The following SESTD1 variants were observed in gnomAD, a reference collection of about 807,000 sequenced individuals.
SESTD1 encodes the protein SEC14 and spectrin domain containing 1, also known as SEC14 domain and spectrin repeat-containing protein 1.
A neutral mutation model predicts 101.7 loss-of-function variants in SESTD1; 43 were observed. The ratio of observed to expected loss-of-function variants is 0.42; its 90% CI spans 0.33 to 0.55. The LOEUF is 0.55. Among genes scored for constraint, SESTD1 ranks in the 20% least tolerant of loss-of-function variants. The pLI, the probability that SESTD1 is intolerant of heterozygous loss-of-function variation, is 0.07. For synonymous variants in SESTD1, 283 were observed against 286.8 expected, an observed-to-expected ratio of 0.99 and a Z score of 0.13; for missense variants, 647 against 815.1, an observed-to-expected ratio of 0.79 and a Z score of 2.51.
In SESTD1 at chr2:179,215,467, A is replaced by G. The variant is rs1319731545; in HGVS notation, c.-25-23601T>C. 1.5e-5 allele frequency among the ~76,000 whole-genome samples: 2 copies of G among 134,210 alleles called. 1 individual carries two copies. Among genetic ancestry groups the G allele is most frequent in the Non-Finnish European group, 3.2e-5 (2 of 62,608 alleles). 88.0% of individuals were successfully genotyped at this position (134,210 alleles called of 152,430 possible). On this transcript the variant is annotated intron_variant, in intron 1 of 17. Transcript: ENST00000428443. The stretch of plus-strand genomic sequence containing the variant: ...AGAAGTTGAATCTCTGAATAGACCA[A>G]TAACAGGCTCTGAAATTGAGGCAAT...
At chr2:179,252,536 C>T (rs1315804031) in intron 1 of SESTD1, among the ~76,000 whole-genome samples, 1 of 152,190 alleles carries the variant, frequency 6.6e-6, no homozygotes, top group Non-Finnish European at 1.5e-5. Flanking sequence ...CAGGAGTCCA[C>T]CATCTTCCAC....
Position 179,183,147 on chromosome 2 carries a change from A to G in SESTD1, c.97T>C (p.Leu33=). ...TCCATATTTGTCTGTTCGAGGCATA[A>G]TGGAATTGTCAAAATGAGGCCACTC... ...RRSGLILTIP[L]CLEQTNMDEL... Residue 33 remains leucine (L), a synonymous_variant, in exon 3 of 18, where the codon TTA becomes CTA. Transcript: ENST00000428443. The G allele has an allele frequency of 1.2e-6, 2 of 1,612,172 alleles. No individual in the cohort carries two copies. The highest frequency in any genetic ancestry group is 1.1e-5 in the South Asian group (1 of 90,906).
At chr2:179,183,754 G>C (rs1011769137) in intron 2 of SESTD1, among the ~76,000 whole-genome samples, 3 of 151,732 alleles carry the variant, frequency 2.0e-5, no homozygotes, top group African/African-American at 7.3e-5. Flanking sequence ...GAGGGCGAGA[G>C]TATCACTTGA....
At chr2:179,162,868 G>A (rs955528842) in intron 5 of SESTD1, among the ~76,000 whole-genome samples, 2 of 150,924 alleles carry the variant, frequency 1.3e-5, no homozygotes, top group African/African-American at 4.9e-5. Context: ...GTGCATGCCT[G>A]TAATCTCAGC....
At chr2:179,221,701 T>C (rs2046817894) in intron 1 of SESTD1, among the ~76,000 whole-genome samples, 1 of 150,796 alleles carries the variant, frequency 6.6e-6, no homozygotes, top group Admixed American at 6.6e-5. Flanking sequence ...GAGGACTGTA[T>C]GAGCCTACGA....
intron 5 of SESTD1, 56 bp from the exon 6 acceptor site, chr2:179,151,447 A>T: frequency 7.8e-7 from 1 of 1,278,992 alleles, no homozygotes; most frequent in Non-Finnish European, 1.1e-6. Flanking sequence ...AAAATCCACG[A>T]AAGTAACCAG....
At chr2:179,110,589 A>G (rs1181775839) in intron 17 of SESTD1, among the ~76,000 whole-genome samples, 3 of 152,146 alleles carry the variant, frequency 2.0e-5, no homozygotes, top group East Asian at 1.9e-4. Flanking sequence ...AGAAAAGTGG[A>G]GCCTAGCAAG....
chr2:179,199,627 C>A (rs1309429293), intron 1 of SESTD1, among the ~76,000 whole-genome samples: 1 of 151,988 alleles, frequency 6.6e-6, no homozygotes, highest in Non-Finnish European at 1.5e-5. Context: ...GGGCTTCATC[C>A]CTGGGATGCA....
chr2:179,142,969 G>C (rs922849098), intron 9 of SESTD1, among the ~76,000 whole-genome samples: 1 of 152,094 alleles, frequency 6.6e-6, no homozygotes, highest in Non-Finnish European at 1.5e-5. Context: ...AAACTAGGAC[G>C]TTTCCAGTTT....
In SESTD1 at chr2:179,216,535, T is replaced by C. The variant is rs1309383000; in HGVS notation, c.-25-24669A>G. On this transcript the variant is annotated intron_variant, in intron 1 of 17. Coordinates refer to ENST00000428443, the MANE Select transcript of SESTD1 (RefSeq NM_178123.5). ...GCTCATGGATAGGAAGAATCAATAT[T>C]GTGAAAATGGCCATACTGCCCAAGG... 1.4e-4 allele frequency among the ~76,000 whole-genome samples: 19 copies of C among 134,914 alleles called. 5 individuals are homozygous for C. The highest frequency in any genetic ancestry group is 3.9e-3 in the Middle Eastern group (1 of 258). The allele number at this position is 134,914 out of a possible 152,430, so 88.5% of individuals were successfully genotyped here.
In SESTD1 at chr2:179,102,405, C is replaced by G. The variant is rs2154393310; in HGVS notation, c.*7494G>C. 1 of 152,142 alleles carries G rather than the reference C, an allele frequency of 6.6e-6. No individual in the cohort carries two copies. The highest frequency in any genetic ancestry group is 2.1e-4 in the South Asian group (1 of 4,822). The allele number at this position is 152,142 out of a possible 1,614,324, so 9.4% of individuals were successfully genotyped here. On this transcript the variant is annotated 3_prime_UTR_variant, in exon 18 of 18. Coordinates refer to ENST00000428443, the MANE Select transcript of SESTD1 (RefSeq NM_178123.5). Reference sequence around the variant, plus strand: ...ATTCATCAGATTATCTTATAGAGACCAGTGTGACTTAATTCTCCCTAGATT... The same window carrying G: ...ATTCATCAGATTATCTTATAGAGACGAGTGTGACTTAATTCTCCCTAGATT...
At chr2:179,179,525 T>C (rs1354228547) in intron 3 of SESTD1, among the ~76,000 whole-genome samples, 1 of 152,238 alleles carries the variant, frequency 6.6e-6, no homozygotes, top group Admixed American at 6.5e-5. Flanking sequence ...CTTCCACTCA[T>C]ACAGCTCTGC....
At chr2:179,229,941 C>T (rs2046958113) in intron 1 of SESTD1, among the ~76,000 whole-genome samples, 1 of 149,838 alleles carries the variant, frequency 6.7e-6, no homozygotes, top group Non-Finnish European at 1.5e-5. Context: ...TCATAAAACC[C>T]CCTAAAACAA....
rs545707900 is a variant in SESTD1 at position 179,164,501 on chromosome 2, T to C, written c.369+7619A>G. 3.9e-5 allele frequency among the ~76,000 whole-genome samples: 6 copies of C among 152,290 alleles called. No homozygotes were observed. In the East Asian group the frequency reaches 5.8e-4, roughly 15 times the overall value. ...TTTTATCTTGTCATTAGACAGAATA[T>C]AGACACTATCATCAAACCAGCAAAA... On this transcript the variant is annotated intron_variant, in intron 5 of 17. Coordinates refer to ENST00000428443, the MANE Select transcript of SESTD1 (RefSeq NM_178123.5).
Position 179,224,983 on chromosome 2 carries a change from C to T in SESTD1, c.-25-33117G>A, listed in dbSNP as rs549760403. On this transcript the variant is annotated intron_variant, in intron 1 of 17. Transcript: ENST00000428443. ...CAAATCAAAACTGAGGAGGGGGTCA[C>T]GGGAACCCCAATTTATAGCCAGTCA... is the stretch of plus-strand genomic sequence containing the variant. Among the ~76,000 whole-genome samples the T allele has an allele frequency of 6.6e-5, 10 of 152,200 alleles. No individual in the cohort carries two copies. The South Asian group carries it at 2.1e-3, about 32-fold the overall frequency.
chr2:179,210,311 A>T lies in SESTD1; in HGVS notation c.-25-18445T>A, dbSNP rs758931489. 1.1e-4 allele frequency among the ~76,000 whole-genome samples: 15 copies of T among 134,758 alleles called. 5 individuals carry two copies. Among genetic ancestry groups the T allele is most frequent in the Non-Finnish European group, 2.4e-4 (15 of 62,572 alleles). The allele number at this position is 134,758 out of a possible 152,430, so 88.4% of individuals were successfully genotyped here. A position where few individuals can be genotyped will look rare whatever the true frequency, so the allele number is the denominator to read the frequency against. Reference sequence around the variant, plus strand: ...GAAAGTATTCCAAGATAAACAGGGAATCCTCCCTAAATCATTCTGTGAAGC... The same window carrying T: ...GAAAGTATTCCAAGATAAACAGGGATTCCTCCCTAAATCATTCTGTGAAGC... On this transcript the variant is annotated intron_variant, in intron 1 of 17. Coordinates refer to ENST00000428443, the MANE Select transcript of SESTD1 (RefSeq NM_178123.5).
At chr2:179,174,775 A>C (rs1016026825) in intron 4 of SESTD1, among the ~76,000 whole-genome samples, 1 of 152,074 alleles carries the variant, frequency 6.6e-6, no homozygotes, top group Non-Finnish European at 1.5e-5. Context: ...AGCTGGAGCA[A>C]TATAGTCTCT....
chr2:179,146,532 A>G lies in SESTD1; in HGVS notation c.582-75T>C. ...TAACTTTAAAAATTCCTTTACATATAAAAAAACAGAACAGGGGCACAAAAG... is the reference window on the plus strand; with the variant it reads ...TAACTTTAAAAATTCCTTTACATATGAAAAAACAGAACAGGGGCACAAAAG... On this transcript the variant is annotated intron_variant, in intron 7 of 17. Transcript: ENST00000428443. 4.8e-6 allele frequency: 6 copies of G among 1,247,314 alleles called. 1 individual carries two copies. The South Asian group carries it at 7.9e-5, about 17-fold the overall frequency. 77.3% of individuals were successfully genotyped at this position (1,247,314 alleles called of 1,614,324 possible). A position where few individuals can be genotyped will look rare whatever the true frequency, so the allele number is the denominator to read the frequency against.
intron 1 of SESTD1, among the ~76,000 whole-genome samples, chr2:179,239,930 G>A (rs2047125715): frequency 6.6e-6 from 1 of 152,146 alleles, no homozygotes; most frequent in African/African-American, 2.4e-5. Flanking sequence ...CTATTCTGGT[G>A]CAGAACATAT....
Sources: allele counts gnomAD v4.1 joint callset (sites outside exome capture counted in the v4.1 genomes callset), GRCh38; gene constraint gnomAD v4.1.1; transcripts MANE v1.5; gene names NCBI Gene and HGNC (gene_info 2026-07-23, HGNC 2026-07-21).